Variants in CFAP46 observed in about 807,000 individuals in gnomAD.
CFAP46 encodes the protein cilia- and flagella-associated protein 46.
A neutral mutation model predicts 325.7 loss-of-function variants in CFAP46; 245 were observed. That is an observed-to-expected ratio of 0.75 (90% CI 0.68 to 0.84). The LOEUF (loss-of-function observed/expected upper bound fraction) is 0.84, where lower values mean the gene tolerates loss of function less well. CFAP46 is among the 40% of genes least tolerant of loss of function. The probability of loss-of-function intolerance (pLI) is 0.00; values close to 1 mark genes in which losing one functional copy is unlikely to be tolerated. For synonymous variants in CFAP46, 1,523 were observed against 1,495.9 expected (o/e 1.02, Z -0.42); for missense variants, 3,346 against 3,543.0 (o/e 0.94, Z 1.41).
In CFAP46 at chr10:132,941,902, C is replaced by G. The variant is rs571654125; in HGVS notation, c.174+78G>C. 31 of 1,531,354 alleles carry G rather than the reference C, an allele frequency of 2.0e-5. No homozygotes were observed. The African/African-American group carries it at 3.2e-4, about 16-fold the overall frequency. 94.9% of individuals were successfully genotyped at this position (1,531,354 alleles called of 1,614,324 possible). A position where few individuals can be genotyped will look rare whatever the true frequency, so the allele number is the denominator to read the frequency against. ...GGAGCTGCCTCTCCCCAGCCCCACT[C>G]TGCATCCGCTGCACACCCAGAGGCC... is the stretch of plus-strand genomic sequence containing the variant. On this transcript the variant is annotated intron_variant, in intron 2 of 57. Coordinates refer to ENST00000368586, the MANE Select transcript of CFAP46 (RefSeq NM_001200049.3).
Position 132,939,901 on chromosome 10 carries a change from C to A in CFAP46, c.371+1095G>T, listed in dbSNP as rs563293459. Among the ~76,000 whole-genome samples, 3 of 152,202 alleles carry A rather than the reference C, an allele frequency of 2.0e-5. No individual in the cohort carries two copies. The highest frequency in any genetic ancestry group is 4.8e-5 in the African/African-American group (2 of 41,446). Reference sequence around the variant, plus strand: ...ACTGACACTGCCCTGGACAAGCCAGCGCTGCCCTCTCTCTCCACACAACCT... The same window carrying A: ...ACTGACACTGCCCTGGACAAGCCAGAGCTGCCCTCTCTCTCCACACAACCT... On this transcript the variant is annotated intron_variant, in intron 4 of 57. Transcript: ENST00000368586. This position sits in a 1 kb window ranked among gnomAD's most constrained non-coding sequence, Gnocchi z 4.6.
At chr10:132,931,059 G>A (rs2135686571) in intron 8 of CFAP46, among the ~76,000 whole-genome samples, 3 of 99,082 alleles carry the variant, frequency 3.0e-5, no homozygotes, top group South Asian at 4.5e-4. Flanking sequence ...CACAGAGCCT[G>A]GGCCTCCCTC....
chr10:132,852,788 C>A (rs1430843991), intron 39 of CFAP46, among the ~76,000 whole-genome samples: 1 of 152,242 alleles, frequency 6.6e-6, no homozygotes, highest in Admixed American at 6.5e-5. Flanking sequence ...CAAGTTCTCA[C>A]ATTTTTGGGA....
At chr10:132,921,212 G>A (rs1591092206) in intron 13 of CFAP46, among the ~76,000 whole-genome samples, 1 of 152,184 alleles carries the variant, frequency 6.6e-6, no homozygotes, top group African/African-American at 2.4e-5. Context: ...GAAAGCCGCC[G>A]GCTGCTGGGC....
Position 132,857,755 on chromosome 10 carries a change from T to A in CFAP46, c.5409A>T (p.Gln1803His), listed in dbSNP as rs1848664511. The change falls in exon 39 of 58, where the codon CAA (glutamine) becomes CAT (histidine). Residue 1803 changes from glutamine to histidine, a missense_variant. Gln to His is a conservative substitution (Grantham distance 24, BLOSUM62 0). Coordinates refer to ENST00000368586, the MANE Select transcript of CFAP46 (RefSeq NM_001200049.3). The part of the protein sequence containing the change: ...LRAQNEKDEE[Q>H]KTAYYLEAYG... ...ACGCTTCCAAGTAATACGCAGTTTT[T>A]TGTTCTTCATCTTTCTCGTTCTGGG... 6.3e-7 allele frequency: 1 copy of A among 1,581,096 alleles called. No individual in the cohort carries two copies. The highest frequency in any genetic ancestry group is 8.6e-7 in the Non-Finnish European group (1 of 1,164,902).
intron 5 of CFAP46, 33 bp downstream of exon 5, chr10:132,938,556 G>A (rs1339160856): frequency 1.2e-6 from 2 of 1,602,754 alleles, no homozygotes; most frequent in African/African-American, 2.7e-5. Context: ...GGCCCACCGG[G>A]AGGCCACAGA....
intron 6 of CFAP46, 96 bp downstream of exon 6, chr10:132,937,454 ATC>A (rs1401772609): frequency 1.4e-6 from 2 of 1,461,020 alleles, no homozygotes; most frequent in Admixed American, 3.7e-5. Flanking sequence ...AGATTTTTAT[ATC>A]TCTCAGCAAA....
chr10:132,817,712 G>C lies in CFAP46; in HGVS notation c.7118-2798C>G, dbSNP rs181083885. 7.7e-3 allele frequency among the ~76,000 whole-genome samples: 1,168 copies of C among 152,296 alleles called. 15 individuals carry two copies. The highest frequency in any genetic ancestry group is 0.027 in the African/African-American group (1,102 of 41,566). The stretch of plus-strand genomic sequence containing the variant: ...AGGACACTCAAGGCTCTAGATCACC[G>C]GCAGCCCGGCTTTCAGTGACTCTGT... On this transcript the variant is annotated intron_variant, in intron 50 of 57. Transcript: ENST00000368586. This position sits in a 1 kb window ranked among gnomAD's most constrained non-coding sequence, Gnocchi z 4.4.
chr10:132,847,155 G>C lies in CFAP46; in HGVS notation c.6087+32C>G. On this transcript the variant is annotated intron_variant, in intron 42 of 57. Coordinates refer to ENST00000368586, the MANE Select transcript of CFAP46 (RefSeq NM_001200049.3). This position sits in a 1 kb window ranked among gnomAD's most constrained non-coding sequence, Gnocchi z 5.2. ...AGGCTCAGGCCAGGCTCCGGGCAGAGGCCACACGAGGGGCAGGAGGGGCAG... is the reference window on the plus strand; with the variant it reads ...AGGCTCAGGCCAGGCTCCGGGCAGACGCCACACGAGGGGCAGGAGGGGCAG... 1 of 1,608,634 alleles carries C rather than the reference G, an allele frequency of 6.2e-7. No individual in the cohort carries two copies. The highest frequency in any genetic ancestry group is 1.1e-5 in the South Asian group (1 of 90,830).
In CFAP46 at chr10:132,873,299, G is replaced by A. The variant is rs528716862; in HGVS notation, c.4363-475C>T. ...AATTAGGAAAGTTGGATGACTTGTC[G>A]CAAAAATGTACTTCTAAGAACTGGA... is the stretch of plus-strand genomic sequence containing the variant. On this transcript the variant is annotated intron_variant, in intron 31 of 57. Coordinates refer to ENST00000368586, the MANE Select transcript of CFAP46 (RefSeq NM_001200049.3). Among the ~76,000 whole-genome samples the A allele has an allele frequency of 3.2e-4, 49 of 152,276 alleles. No homozygotes were observed. The South Asian group carries it at 6.8e-3, about 21-fold the overall frequency.
In CFAP46 at chr10:132,877,843, T is replaced by C. The variant is rs181221968; in HGVS notation, c.4212+38A>G. 324 of 1,538,198 alleles carry C rather than the reference T, an allele frequency of 2.1e-4. 3 individuals carry two copies. The East Asian group carries it at 2.9e-3, about 14-fold the overall frequency. ...AGGGAAACTGAGGCACAGGCCATCC[T>C]GGGCCCGGCCTCTGCACCGTGGCCA... On this transcript the variant is annotated intron_variant, in intron 30 of 57. Coordinates refer to ENST00000368586, the MANE Select transcript of CFAP46 (RefSeq NM_001200049.3). This position sits in a 1 kb window ranked among gnomAD's most constrained non-coding sequence, Gnocchi z 5.7.
Position 132,885,177 on chromosome 10 carries a change from G to A in CFAP46, c.3553C>T (p.His1185Tyr). ...ESEDYLARMW[H>Y]RLALNSPSVS... ...CTCGGCGAGTTCAGGGCCAGGCGGTGCCACATGCGCGCCAAGTAGTCCTCA... is the reference window on the plus strand; with the variant it reads ...CTCGGCGAGTTCAGGGCCAGGCGGTACCACATGCGCGCCAAGTAGTCCTCA... Residue 1185 changes from histidine to tyrosine, a missense_variant, in exon 27 of 58, where the codon CAC becomes TAC. Physicochemically the swap from His to Tyr is moderately conservative, Grantham distance 83. Coordinates refer to ENST00000368586, the MANE Select transcript of CFAP46 (RefSeq NM_001200049.3). 1 of 1,550,500 alleles carries A rather than the reference G, an allele frequency of 6.4e-7. No individual in the cohort carries two copies. Among genetic ancestry groups the A allele is most frequent in the Non-Finnish European group, 8.7e-7 (1 of 1,146,994 alleles).
intron 44 of CFAP46, among the ~76,000 whole-genome samples, chr10:132,837,888 GACAC>G (rs1029388772): frequency 2.5e-5 from 3 of 118,246 alleles, no homozygotes; most frequent in Non-Finnish European, 5.3e-5. Context: ...GACATGCACG[GACAC>G]ACACAGATGA....
chr10:132,887,262 TC>T, intron 25 of CFAP46, among the ~76,000 whole-genome samples: 1 of 103,398 alleles, frequency 9.7e-6, no homozygotes, highest in Non-Finnish European at 1.9e-5. Context: ...CTCTCGCTTC[TC>T]TCTCTCCTCT....
chr10:132,919,748 C>T lies in CFAP46; in HGVS notation c.1731-306G>A, dbSNP rs1376246414. On this transcript the variant is annotated intron_variant, in intron 14 of 57. Coordinates refer to ENST00000368586, the MANE Select transcript of CFAP46 (RefSeq NM_001200049.3). The surrounding 1 kb of genome is among the most constrained non-coding windows in gnomAD (Gnocchi z 9.7). ...ACAGGCCTCCCGGGGATGGTACCGA[C>T]CGCAGGGTCGGTACCAAAAATCAGC... Among the ~76,000 whole-genome samples, 1 of 152,050 alleles carries T rather than the reference C, an allele frequency of 6.6e-6. No individual in the cohort carries two copies. Among genetic ancestry groups the T allele is most frequent in the African/African-American group, 2.4e-5 (1 of 41,400 alleles).
At position 132,888,818 on chromosome 10, in the gene CFAP46, CCGCCTG is replaced by C. The variant is rs1338875481; in HGVS notation, c.3305-2865_3305-2860del. On this transcript the variant is annotated intron_variant, in intron 25 of 57. Coordinates refer to ENST00000368586, the MANE Select transcript of CFAP46 (RefSeq NM_001200049.3). ...CCTGCACCTGCCACCTTCACCCCTG[CCGCCTG>C]CACCTGCCACCTTCACCCCTGCCGC... is the stretch of plus-strand genomic sequence containing the variant. Among the ~76,000 whole-genome samples the C allele has an allele frequency of 2.8e-5, 3 of 106,232 alleles. 1 individual carries two copies. The highest frequency in any genetic ancestry group is 1.9e-5 in the Non-Finnish European group (1 of 53,298). 69.7% of individuals were successfully genotyped at this position (106,232 alleles called of 152,430 possible). A position where few individuals can be genotyped will look rare whatever the true frequency, so the allele number is the denominator to read the frequency against.
intron 23 of CFAP46, 56 bp downstream of exon 23, chr10:132,899,479 G>A: frequency 6.7e-7 from 1 of 1,489,124 alleles, no homozygotes; most frequent in Non-Finnish European, 8.9e-7. Context: ...TGAGCACAGG[G>A]GTCCCGCACG....
At chr10:132,841,967 G>A (rs955885002) in intron 44 of CFAP46, among the ~76,000 whole-genome samples, 1 of 152,208 alleles carries the variant, frequency 6.6e-6, no homozygotes, top group Non-Finnish European at 1.5e-5. Context: ...CTGCCTTGAA[G>A]AACAGCACCC....
rs1040749841 is a variant in CFAP46, at chr10:132,827,678, G to A, written c.7117+5680C>T. On this transcript the variant is annotated intron_variant, in intron 50 of 57. Transcript: ENST00000368586. The surrounding 1 kb of genome is among the most constrained non-coding windows in gnomAD (Gnocchi z 5.7). Reference sequence around the variant, plus strand: ...GGACGCTGCACGCCAGCAAGTCATCGCCACAGCGAAGGTCACGGCACACCC... The same window carrying A: ...GGACGCTGCACGCCAGCAAGTCATCACCACAGCGAAGGTCACGGCACACCC... Among the ~76,000 whole-genome samples the A allele has an allele frequency of 2.0e-5, 3 of 152,110 alleles. No individual in the cohort carries two copies. The highest frequency in any genetic ancestry group is 4.1e-4 in the South Asian group (2 of 4,822).
Sources: allele counts gnomAD v4.1 joint callset (sites outside exome capture counted in the v4.1 genomes callset), GRCh38; gene constraint gnomAD v4.1.1; non-coding constraint Gnocchi (gnomAD v3.1); transcripts MANE v1.5; gene names NCBI Gene and HGNC (gene_info 2026-07-23, HGNC 2026-07-21).